Variants in IL23R observed in about 807,000 individuals in gnomAD.
IL23R encodes interleukin-23 receptor.
A neutral mutation model predicts 56.9 loss-of-function variants in IL23R; 34 were observed. That is an observed-to-expected ratio of 0.60 (90% CI 0.45 to 0.80). The LOEUF (loss-of-function observed/expected upper bound fraction) is 0.80, where lower values mean the gene tolerates loss of function less well. Among genes scored for constraint, IL23R ranks in the 30% least tolerant of loss-of-function variants. The pLI is 0.00. For synonymous variants in IL23R, 230 were observed against 249.2 expected (o/e 0.92, Z 0.73); for missense variants, 635 against 730.0 (o/e 0.87, Z 1.50).
At chr1:67,184,423 G>A (rs1007250222) in intron 4 of IL23R, among the ~76,000 whole-genome samples, 11 of 151,816 alleles carry the variant, frequency 7.2e-5, no homozygotes, top group Non-Finnish European at 1.3e-4. Context: ...GCACACACTT[G>A]TAATCCCAGC....
chr1:67,145,670 G>A (rs957042138), intron 1 of IL23R, among the ~76,000 whole-genome samples: 3 of 152,140 alleles, frequency 2.0e-5, no homozygotes, highest in Admixed American at 6.6e-5. Flanking sequence ...ATATATAACT[G>A]AGTGAATAAC....
At chr1:67,162,005 A>C (rs1488454210), upstream of IL23R, among the ~76,000 whole-genome samples, 1 of 152,140 alleles carries the variant, frequency 6.6e-6, no homozygotes, top group Admixed American at 6.5e-5. Context: ...AGACGAAAAA[A>C]CTAAGACGAG....
intron 9 of IL23R, among the ~76,000 whole-genome samples, chr1:67,240,515 G>A (rs1475200564): frequency 6.6e-6 from 1 of 152,122 alleles, no homozygotes; most frequent in Non-Finnish European, 1.5e-5. Context: ...TATTTTACAG[G>A]TGACTTAAAT....
intron 1 of IL23R, among the ~76,000 whole-genome samples, chr1:67,146,354 A>G (rs552331311): frequency 1.4e-3 from 213 of 152,238 alleles, no homozygotes; most frequent in African/African-American, 4.9e-3. Flanking sequence ...GCAGATCTCT[A>G]CACGGGTGTG....
At chr1:67,144,042 A>G (rs1570751517) in intron 1 of IL23R, among the ~76,000 whole-genome samples, 1 of 152,320 alleles carries the variant, frequency 6.6e-6, no homozygotes, top group Non-Finnish European at 1.5e-5. Flanking sequence ...AAAAAATAAT[A>G]ATGACTTGAA....
intron 6 of IL23R, among the ~76,000 whole-genome samples, chr1:67,212,680 A>G (rs1649565291): frequency 6.6e-6 from 1 of 150,958 alleles, no homozygotes; most frequent in African/African-American, 2.4e-5. Flanking sequence ...CAAGTAGCTG[A>G]CCACAGGAGA....
At chr1:67,188,642 A>G (rs577223823) in intron 4 of IL23R, among the ~76,000 whole-genome samples, 1 of 152,334 alleles carries the variant, frequency 6.6e-6, no homozygotes, top group South Asian at 2.1e-4. Flanking sequence ...TAGACTGCGT[A>G]ATTTGTAAAA....
At chr1:67,145,501 C>T (rs1301749008) in intron 1 of IL23R, among the ~76,000 whole-genome samples, 1 of 152,124 alleles carries the variant, frequency 6.6e-6, no homozygotes, top group Non-Finnish European at 1.5e-5. Flanking sequence ...GTGCCCTCTT[C>T]CCACCTCTTT....
At chr1:67,156,387 A>G (rs1295258894) in intron 1 of IL23R, among the ~76,000 whole-genome samples, 1 of 152,188 alleles carries the variant, frequency 6.6e-6, no homozygotes, top group Non-Finnish European at 1.5e-5. Context: ...GGAAAGATTA[A>G]GTCTGCTGAA....
At chr1:67,246,953 CTT>C (rs1398175022) in intron 9 of IL23R, among the ~76,000 whole-genome samples, 1 of 152,102 alleles carries the variant, frequency 6.6e-6, no homozygotes, top group Non-Finnish European at 1.5e-5. Flanking sequence ...GTCTAAGTCT[CTT>C]TGTAGGTCTC....
chr1:67,161,233 C>T (rs967065681), intron 1 of IL23R, among the ~76,000 whole-genome samples: 1 of 152,112 alleles, frequency 6.6e-6, no homozygotes, highest in Non-Finnish European at 1.5e-5. Context: ...ATCAGTAGGC[C>T]AGTCAGTAAT....
intron 4 of IL23R, among the ~76,000 whole-genome samples, chr1:67,197,373 A>G (rs1007974111): frequency 6.6e-6 from 1 of 152,252 alleles, no homozygotes; most frequent in African/African-American, 2.4e-5. Context: ...AAATGGGAAT[A>G]AGTTGGATGT....
At chr1:67,186,979 C>T (rs540830289) in intron 4 of IL23R, among the ~76,000 whole-genome samples, 1 of 152,086 alleles carries the variant, frequency 6.6e-6, no homozygotes, top group African/African-American at 2.4e-5. Flanking sequence ...TTATTTATTC[C>T]TTGGTTGATG....
chr1:67,184,926 C>A (rs1647244951), intron 4 of IL23R, among the ~76,000 whole-genome samples: 1 of 152,088 alleles, frequency 6.6e-6, no homozygotes, highest in Non-Finnish European at 1.5e-5. Context: ...GGAATTATTG[C>A]CCTTCCATAA....
At chr1:67,212,846 C>T (rs1236581859) in intron 6 of IL23R, among the ~76,000 whole-genome samples, 1 of 152,048 alleles carries the variant, frequency 6.6e-6, no homozygotes, top group African/African-American at 2.4e-5. Context: ...CGAGCCACTG[C>T]TCCTGGCTAA....
intron 4 of IL23R, among the ~76,000 whole-genome samples, chr1:67,189,506 A>G (rs1647587775): frequency 6.6e-6 from 1 of 152,206 alleles, no homozygotes; most frequent in South Asian, 2.1e-4. Flanking sequence ...ACAGGACATA[A>G]AAGATATAAA....
intron 7 of IL23R, among the ~76,000 whole-genome samples, chr1:67,220,387 A>T (rs575024628): frequency 1.7e-4 from 26 of 152,032 alleles, no homozygotes; most frequent in South Asian, 6.2e-4. Context: ...ATAAAAATAA[A>T]AATAATAATA....
intron 7 of IL23R, among the ~76,000 whole-genome samples, chr1:67,226,381 G>A (rs1271860963): frequency 6.6e-6 from 1 of 152,174 alleles, no homozygotes; most frequent in Non-Finnish European, 1.5e-5. Context: ...GCTCTTAGCG[G>A]GATAGATAGG....
chr1:67,250,924 G>C (rs568063272), intron 9 of IL23R, among the ~76,000 whole-genome samples: 2 of 152,180 alleles, frequency 1.3e-5, no homozygotes, highest in African/African-American at 2.4e-5. Context: ...AATGGATTTC[G>C]AGAGAGATCT....
Sources: gnomAD v4.1 joint callset for allele counts (sites outside exome capture counted in the v4.1 genomes callset) on GRCh38, gnomAD v4.1.1 for gene constraint, MANE v1.5 for transcripts, NCBI Gene and HGNC (gene_info 2026-07-23, HGNC 2026-07-21) for gene names.